CDC42BPB: variants seen among roughly 807,000 people sequenced by gnomAD.
The protein encoded by CDC42BPB is serine/threonine-protein kinase MRCK beta.
A neutral mutation model predicts 214.9 loss-of-function variants in CDC42BPB; 37 were observed. The observed-to-expected ratio is 0.17, with a 90% CI of 0.13 to 0.23. The LOEUF is 0.23. Among genes scored for constraint, CDC42BPB ranks in the 10% least tolerant of loss-of-function variants. CDC42BPB has a pLI of 1.00. For missense variants in CDC42BPB, 1,694 were observed against 2,227.0 expected, an observed-to-expected ratio of 0.76 and a Z score of 4.82; for synonymous variants, 931 against 884.0, an observed-to-expected ratio of 1.05 and a Z score of -0.94.
intron 26 of CDC42BPB, 125 bp downstream of exon 26, chr14:102,949,640 C>T (rs1331879058): frequency 7.9e-7 from 1 of 1,266,788 alleles, no homozygotes; most frequent in African/African-American, 1.5e-5. Flanking sequence ...TTTTTGCAAC[C>T]ATACAATAAT....
intron 36 of CDC42BPB, chr14:102,936,824 A>C (rs919389227): frequency 2.0e-5 from 3 of 152,182 alleles, no homozygotes; most frequent in Non-Finnish European, 4.4e-5. Context: ...AGAGGTGGTG[A>C]CTGCATCTCT....
intron 1 of CDC42BPB, among the ~76,000 whole-genome samples, chr14:103,041,101 C>T (rs143790332): frequency 5.6e-4 from 85 of 152,186 alleles, no homozygotes; most frequent in African/African-American, 1.8e-3. Flanking sequence ...GGAATACAAC[C>T]GAGAGTCCAG....
At chr14:102,953,355 C>A (rs1223730667) in intron 23 of CDC42BPB, among the ~76,000 whole-genome samples, 1 of 152,252 alleles carries the variant, frequency 6.6e-6, no homozygotes, top group Non-Finnish European at 1.5e-5. Context: ...AGGAGTGACA[C>A]ACCAGCACTC....
rs371563307 is a variant in CDC42BPB, at chr14:102,957,558, C to T, written c.2901+2073G>A. 9.2e-5 allele frequency among the ~76,000 whole-genome samples: 14 copies of T among 152,288 alleles called. No individual in the cohort carries two copies. The East Asian group carries it at 2.7e-3, about 29-fold the overall frequency. On this transcript the variant is annotated intron_variant, in intron 21 of 36. Coordinates refer to ENST00000361246, the MANE Select transcript of CDC42BPB (RefSeq NM_006035.4). ...ACAGGCTTATCAAAGATCTGGCGGG[C>T]ACTTACCGGTTAAATAGATTTGCTT...
rs1348276330 is a variant in CDC42BPB at position 103,048,725 on chromosome 14, T to A, written c.175+8274A>T. Reference sequence around the variant, plus strand: ...TCCGTCTCAAAAAAAAAAAAAAAAATTAGCCAGGTGTGATGGTGGGTGCCT... The same window carrying A: ...TCCGTCTCAAAAAAAAAAAAAAAAAATAGCCAGGTGTGATGGTGGGTGCCT... On this transcript the variant is annotated intron_variant, in intron 1 of 36. Transcript: ENST00000361246. Among the ~76,000 whole-genome samples the A allele has an allele frequency of 4.9e-4, 63 of 127,780 alleles. No homozygotes were observed. The South Asian group carries it at 0.014, about 28-fold the overall frequency. 83.8% of individuals were successfully genotyped at this position (127,780 alleles called of 152,430 possible). A position where few individuals can be genotyped will look rare whatever the true frequency, so the allele number is the denominator to read the frequency against.
At chr14:103,029,858 CAAAAA>C (rs11299296) in intron 1 of CDC42BPB, among the ~76,000 whole-genome samples, 101 of 62,374 alleles carry the variant, frequency 1.6e-3, no homozygotes, top group African/African-American at 6.0e-3. Context: ...ACTCCATCTC[CAAAAA>C]AAAAAAAAAA....
intron 18 of CDC42BPB, among the ~76,000 whole-genome samples, chr14:102,965,577 TTC>T (rs1893165353): frequency 1.3e-5 from 2 of 152,178 alleles, no homozygotes; most frequent in Non-Finnish European, 2.9e-5. Flanking sequence ...TTGCTGTTTT[TTC>T]TTTTTTAAAA....
chr14:103,042,265 A>G (rs559989536), intron 1 of CDC42BPB, among the ~76,000 whole-genome samples: 2 of 152,228 alleles, frequency 1.3e-5, no homozygotes, highest in Non-Finnish European at 2.9e-5. Flanking sequence ...TGGGGCTTGT[A>G]TCTAGAATAT....
intron 1 of CDC42BPB, among the ~76,000 whole-genome samples, chr14:103,032,491 T>G (rs531721101): frequency 1.4e-5 from 2 of 147,326 alleles, no homozygotes; most frequent in East Asian, 4.0e-4. Flanking sequence ...GTTAAAACTT[T>G]TGAACAGGAC....
At chr14:102,966,955 T>G (rs138261039) in intron 17 of CDC42BPB, 91 bp downstream of exon 17, 1 of 1,452,718 alleles carries the variant, frequency 6.9e-7, no homozygotes, top group Non-Finnish European at 9.4e-7. Flanking sequence ...CGGCCTGGCG[T>G]GGAGCACAGG....
chr14:103,005,069 G>C (rs893535804), intron 3 of CDC42BPB, among the ~76,000 whole-genome samples: 1 of 151,868 alleles, frequency 6.6e-6, no homozygotes, highest in Admixed American at 6.6e-5. Context: ...TCGGGAGGCT[G>C]AGGCAGGAGA....
intron 1 of CDC42BPB, among the ~76,000 whole-genome samples, chr14:103,025,793 C>T (rs1413560321): frequency 2.1e-5 from 3 of 145,498 alleles, no homozygotes; most frequent in Admixed American, 7.0e-5. Context: ...GGTGACAGAG[C>T]GAGACTCTGT....
chr14:102,976,239 C>A (rs1431494704), intron 9 of CDC42BPB, 190 bp from the exon 10 acceptor site: 3 of 984,410 alleles, frequency 3.0e-6, no homozygotes, highest in Non-Finnish European at 3.6e-6. Flanking sequence ...CTGACAAGGG[C>A]CCTCCCCATC....
At chr14:102,937,424 G>T (rs756843924) in intron 36 of CDC42BPB, among the ~76,000 whole-genome samples, 3 of 152,206 alleles carry the variant, frequency 2.0e-5, no homozygotes, top group Non-Finnish European at 4.4e-5. Context: ...CCGTCCGTTC[G>T]GCAGCTGATG....
intron 1 of CDC42BPB, among the ~76,000 whole-genome samples, chr14:103,035,783 T>C (rs1406025034): frequency 6.6e-6 from 1 of 151,684 alleles, no homozygotes; most frequent in Non-Finnish European, 1.5e-5. Context: ...GAGCTTGCAG[T>C]GAGCGGAGAT....
At chr14:102,951,024 C>T (rs921364030) in intron 24 of CDC42BPB, among the ~76,000 whole-genome samples, 7 of 152,166 alleles carry the variant, frequency 4.6e-5, no homozygotes, top group African/African-American at 1.7e-4. Context: ...ACATCAAGTC[C>T]AGACACCCAA....
rs758672847 is a variant in CDC42BPB, at chr14:102,933,824, T to C, written c.5024A>G (p.Lys1675Arg). The stretch of plus-strand genomic sequence containing the variant: ...GGAGCTATTCGATGGAGTTGAGTGT[T>C]TGGTGGAGTCCGAATCAGGCTGTGA... ...FDKEPDSDST[K>R]HSTPSNSSNP... The change falls in exon 37 of 37, where the codon AAA (lysine) becomes AGA (arginine). Residue 1675 changes from lysine (K) to arginine (R), a missense_variant. This residue lies in a region of CDC42BPB where 146 missense variants were observed against 134.1 expected (regional missense o/e 1.09). Transcript: ENST00000361246. 3 of 1,520,926 alleles carry C rather than the reference T, an allele frequency of 2.0e-6. No individual in the cohort carries two copies. Among genetic ancestry groups the C allele is most frequent in the African/African-American group, 1.4e-5 (1 of 69,620 alleles). 94.2% of individuals were successfully genotyped at this position (1,520,926 alleles called of 1,614,324 possible).
intron 5 of CDC42BPB, among the ~76,000 whole-genome samples, chr14:102,994,845 G>A (rs750197899): frequency 6.6e-6 from 1 of 152,186 alleles, no homozygotes; most frequent in Non-Finnish European, 1.5e-5. Flanking sequence ...TTCCCCTTGT[G>A]GAACTTCCTG....
At chr14:103,002,873 T>C (rs1895053241) in intron 4 of CDC42BPB, among the ~76,000 whole-genome samples, 1 of 152,102 alleles carries the variant, frequency 6.6e-6, no homozygotes, top group African/African-American at 2.4e-5. Flanking sequence ...CAAACACATA[T>C]ATATAAAGTC....
Sources: gnomAD v4.1 joint callset for allele counts (sites outside exome capture counted in the v4.1 genomes callset) on GRCh38, gnomAD v4.1.1 for gene constraint, gnomAD v4.1.1 regional missense constraint, MANE v1.5 for transcripts, NCBI Gene and HGNC (gene_info 2026-07-23, HGNC 2026-07-21) for gene names.